Variants in CD86 observed in about 807,000 individuals in gnomAD.
CD86 encodes the protein T-lymphocyte activation antigen CD86.
Under a neutral mutation model 32.1 loss-of-function variants are expected in CD86, and 11 were observed. The ratio of observed to expected loss-of-function variants is 0.34; its 90% CI spans 0.22 to 0.57. The LOEUF (loss-of-function observed/expected upper bound fraction) is 0.57, where lower values mean the gene tolerates loss of function less well. Among genes scored for constraint, CD86 ranks in the 20% least tolerant of loss-of-function variants. The probability of loss-of-function intolerance (pLI) is 0.86; values close to 1 mark genes in which losing one functional copy is unlikely to be tolerated. For synonymous variants in CD86, 137 were observed against 135.3 expected (o/e 1.01, Z -0.09); for missense variants, 359 against 398.4 (o/e 0.90, Z 0.84).
chr3:122,063,638 A>T (rs573056019), intron 1 of CD86, among the ~76,000 whole-genome samples: 3 of 149,860 alleles, frequency 2.0e-5, no homozygotes, highest in African/African-American at 7.4e-5. Context: ...TCACGTTGTC[A>T]CCTAGGCTGG....
chr3:122,078,135 C>T, intron 1 of CD86: 1 of 777,294 alleles, frequency 1.3e-6, no homozygotes, highest in Non-Finnish European at 1.6e-6. Context: ...GTGCTAATGG[C>T]CGGCCAGAGA....
chr3:122,076,632 G>A (rs1217013850), intron 1 of CD86, among the ~76,000 whole-genome samples: 3 of 152,142 alleles, frequency 2.0e-5, no homozygotes, highest in African/African-American at 7.2e-5. Context: ...AAAGGTGAAG[G>A]GTTTTACAGG....
At chr3:122,105,069 C>T (rs2073070450) in intron 3 of CD86, among the ~76,000 whole-genome samples, 1 of 152,158 alleles carries the variant, frequency 6.6e-6, no homozygotes, top group Non-Finnish European at 1.5e-5. Flanking sequence ...TCCCTTTGAA[C>T]CCTGTGTGAT....
intron 1 of CD86, among the ~76,000 whole-genome samples, chr3:122,084,766 GA>G (rs2072688816): frequency 6.6e-6 from 1 of 152,182 alleles, no homozygotes; most frequent in Non-Finnish European, 1.5e-5. Context: ...CGAAGTCCCA[GA>G]ATATCCCTTG....
At chr3:122,056,445 C>G (rs971148181) in intron 1 of CD86, among the ~76,000 whole-genome samples, 2 of 152,242 alleles carry the variant, frequency 1.3e-5, no homozygotes, top group African/African-American at 2.4e-5. Context: ...AACGATTCTC[C>G]TTCCTCAGTC....
chr3:122,109,613 C>G (rs1366728058), intron 5 of CD86, among the ~76,000 whole-genome samples: 1 of 152,242 alleles, frequency 6.6e-6, no homozygotes, highest in African/African-American at 2.4e-5. Flanking sequence ...AGAAAGGCGA[C>G]ATTTCTAACC....
intron 1 of CD86, among the ~76,000 whole-genome samples, chr3:122,069,730 T>G (rs902865177): frequency 2.6e-5 from 4 of 152,122 alleles, no homozygotes; most frequent in African/African-American, 7.2e-5. Context: ...CACACACTTC[T>G]CAGGAGCTCC....
intron 1 of CD86, chr3:122,077,798 A>T (rs1281491210): frequency 1.1e-5 from 11 of 985,352 alleles, no homozygotes; most frequent in Non-Finnish European, 1.3e-5. Context: ...GTTATTTGGA[A>T]CCAAGCAAGA....
At chr3:122,077,475 G>A (rs1475017650) in intron 1 of CD86, among the ~76,000 whole-genome samples, 1 of 152,208 alleles carries the variant, frequency 6.6e-6, no homozygotes, top group Non-Finnish European at 1.5e-5. Context: ...CTTAATGAAT[G>A]ATTTTGGGGA....
chr3:122,109,735 C>T (rs996255255), intron 5 of CD86, among the ~76,000 whole-genome samples: 3 of 152,050 alleles, frequency 2.0e-5, no homozygotes, highest in Admixed American at 6.5e-5. Flanking sequence ...ATGGTGAAAC[C>T]ACTCCTAAAT....
intron 6 of CD86, 47 bp downstream of exon 6, chr3:122,118,140 A>G: frequency 6.6e-7 from 1 of 1,508,096 alleles, no homozygotes; most frequent in South Asian, 1.1e-5. Context: ...TATAATCCCC[A>G]GAGTGCCTGT....
chr3:122,077,639 TG>T, intron 1 of CD86: 1 of 343,878 alleles, frequency 2.9e-6, no homozygotes, highest in Non-Finnish European at 4.1e-6. Context: ...GTGTGTACTC[TG>T]GGATCTCTGG....
chr3:122,081,078 C>A (rs886277823), intron 1 of CD86, among the ~76,000 whole-genome samples: 12 of 152,294 alleles, frequency 7.9e-5, no homozygotes, highest in African/African-American at 2.9e-4. Flanking sequence ...ACTATTAATT[C>A]CAAACTTCCA....
At chr3:122,066,661 C>T (rs1476056477) in intron 1 of CD86, among the ~76,000 whole-genome samples, 1 of 152,062 alleles carries the variant, frequency 6.6e-6, no homozygotes, top group East Asian at 1.9e-4. Flanking sequence ...AGTTCCAGCA[C>T]AGTTCGTAGC....
In CD86 at chr3:122,055,374, G is replaced by A; in HGVS notation, c.-116G>A. Reference sequence around the variant, plus strand: ...TGGGTAGGTATACAGTCATTGCCGAGGAAGGCTTGCACAGGGTGAAAGCTT... The same window carrying A: ...TGGGTAGGTATACAGTCATTGCCGAAGAAGGCTTGCACAGGGTGAAAGCTT... On this transcript the variant is annotated 5_prime_UTR_variant, in exon 1 of 7. Transcript: ENST00000330540. The A allele has an allele frequency of 2.0e-6, 2 of 997,104 alleles. No individual in the cohort carries two copies. The highest frequency in any genetic ancestry group is 3.2e-6 in the Non-Finnish European group (2 of 626,364). The allele number at this position is 997,104 out of a possible 1,614,324, so 61.8% of individuals were successfully genotyped here.
intron 1 of CD86, among the ~76,000 whole-genome samples, chr3:122,068,419 TCTAA>T (rs2072444100): frequency 6.6e-6 from 1 of 152,212 alleles, no homozygotes; most frequent in Non-Finnish European, 1.5e-5. Context: ...TTTTATTTCT[TCTAA>T]CTGAGGTTAT....
At chr3:122,108,280 A>G (rs1039031414) in intron 4 of CD86, among the ~76,000 whole-genome samples, 4 of 152,218 alleles carry the variant, frequency 2.6e-5, no homozygotes, top group Non-Finnish European at 5.9e-5. Context: ...ACCCTGAGTC[A>G]AGGGGCCTTT....
At chr3:122,077,894 C>A in intron 1 of CD86, 2 of 985,502 alleles carry the variant, frequency 2.0e-6, no homozygotes, top group Non-Finnish European at 2.4e-6. Context: ...CATTATTTCT[C>A]TCTCTACAAG....
At chr3:122,097,517 CAT>C (rs1399830076) in intron 2 of CD86, among the ~76,000 whole-genome samples, 1 of 152,220 alleles carries the variant, frequency 6.6e-6, no homozygotes, top group East Asian at 1.9e-4. Flanking sequence ...CATTTCCCCA[CAT>C]AGAGTGAGTA....
Sources: allele counts gnomAD v4.1 joint callset (sites outside exome capture counted in the v4.1 genomes callset), GRCh38; gene constraint gnomAD v4.1.1; transcripts MANE v1.5; gene names NCBI Gene and HGNC (gene_info 2026-07-23, HGNC 2026-07-21).